Variants in AOAH observed in about 807,000 individuals in gnomAD.
The protein encoded by AOAH is acyloxyacyl hydrolase (neutrophil).
Under a neutral mutation model 92.2 loss-of-function variants are expected in AOAH, and 64 were observed. That is an observed-to-expected ratio of 0.69 (90% confidence interval 0.57 to 0.86). The LOEUF (loss-of-function observed/expected upper bound fraction) is 0.86, where lower values mean the gene tolerates loss of function less well. Ranked by LOEUF, AOAH falls within the 40% of genes least tolerant of loss-of-function variation. The pLI is 0.00. For synonymous variants in AOAH, 263 were observed against 254.5 expected (o/e 1.03, Z -0.32); for missense variants, 656 against 694.6 (o/e 0.94, Z 0.62).
intron 20 of AOAH, among the ~76,000 whole-genome samples, chr7:36,519,666 G>GTCACCT: frequency 6.6e-6 from 1 of 152,198 alleles, no homozygotes; most frequent in South Asian, 2.1e-4. Flanking sequence ...CCGACCTCAG[G>GTCACCT]TGATCCACTC....
At chr7:36,659,437 C>A (rs977038680) in intron 3 of AOAH, among the ~76,000 whole-genome samples, 172 bp from the exon 4 acceptor site, 1 of 152,156 alleles carries the variant, frequency 6.6e-6, no homozygotes, top group African/African-American at 2.4e-5. Flanking sequence ...TGATTTCCTG[C>A]CACTGTTGCT....
intron 1 of AOAH, among the ~76,000 whole-genome samples, chr7:36,691,163 ATAT>A (rs1375571691): frequency 6.6e-6 from 1 of 152,132 alleles, no homozygotes; most frequent in Non-Finnish European, 1.5e-5. Flanking sequence ...TTTTTTGCAT[ATAT>A]TATTATCTCA....
chr7:36,559,275 A>G (rs1203855320), intron 13 of AOAH, among the ~76,000 whole-genome samples: 1 of 152,180 alleles, frequency 6.6e-6, no homozygotes, highest in Non-Finnish European at 1.5e-5. Flanking sequence ...CAGTAACAGG[A>G]TTGCTGGGTC....
chr7:36,540,284 G>A (rs1370006355), intron 16 of AOAH, 35 bp downstream of exon 16: 6 of 1,553,676 alleles, frequency 3.9e-6, no homozygotes, highest in Middle Eastern at 3.4e-4. Context: ...ATACATTGAT[G>A]TTATTAAAGA....
At chr7:36,533,944 C>A (rs952242375) in intron 16 of AOAH, among the ~76,000 whole-genome samples, 1 of 152,130 alleles carries the variant, frequency 6.6e-6, no homozygotes, top group African/African-American at 2.4e-5. Context: ...GGAACTGGGG[C>A]CTCATAGTGA....
At chr7:36,678,887 C>T (rs1303131745) in intron 2 of AOAH, among the ~76,000 whole-genome samples, 2 of 152,136 alleles carry the variant, frequency 1.3e-5, no homozygotes, top group Non-Finnish European at 1.5e-5. Flanking sequence ...GTTACTGATA[C>T]ACCTGAAGAA....
chr7:36,605,111 G>C (rs189484700), intron 11 of AOAH, among the ~76,000 whole-genome samples: 3 of 152,158 alleles, frequency 2.0e-5, no homozygotes, highest in African/African-American at 7.2e-5. Flanking sequence ...CCATTTCCTT[G>C]AGTGGAAATT....
chr7:36,580,026 A>G (rs1440389784), intron 12 of AOAH, among the ~76,000 whole-genome samples: 1 of 152,178 alleles, frequency 6.6e-6, no homozygotes, highest in Non-Finnish European at 1.5e-5. Flanking sequence ...TTGAAAGCCT[A>G]TGGTAGCACC....
chr7:36,593,632 A>G (rs2727806), intron 12 of AOAH, among the ~76,000 whole-genome samples: 93,811 of 152,136 alleles, frequency 0.62, 29,684 homozygotes, highest in African/African-American at 0.76. Context: ...ATTAACTGTC[A>G]TAAATGTTTA....
Position 36,663,882 on chromosome 7 carries a change from T to A in AOAH, c.291-4617A>T, listed in dbSNP as rs184377028. On this transcript the variant is annotated intron_variant, in intron 3 of 20. Transcript: ENST00000617537. ...TGTTTCATAAGAAACTATACTTTTT[T>A]TTCAGTTTTTTTAAATTTTAGCCAT... Among the ~76,000 whole-genome samples, 170 of 152,324 alleles carry A rather than the reference T, an allele frequency of 1.1e-3. 1 individual carries two copies. The highest frequency in any genetic ancestry group is 4.0e-3 in the African/African-American group (166 of 41,564).
intron 3 of AOAH, 140 bp downstream of exon 3, chr7:36,673,803 A>G: frequency 1.7e-6 from 1 of 588,154 alleles, no homozygotes; most frequent in Non-Finnish European, 3.0e-6. Context: ...ATTTTCCACT[A>G]TTACTAAGAG....
At chr7:36,586,652 C>T (rs1789345816) in intron 12 of AOAH, among the ~76,000 whole-genome samples, 1 of 152,142 alleles carries the variant, frequency 6.6e-6, no homozygotes, top group South Asian at 2.1e-4. Flanking sequence ...AGGACCACTT[C>T]ACACTCTTAA....
At chr7:36,608,355 G>A (rs1265240887) in intron 11 of AOAH, among the ~76,000 whole-genome samples, 1 of 152,198 alleles carries the variant, frequency 6.6e-6, no homozygotes, top group East Asian at 1.9e-4. Context: ...TAAGTGACAG[G>A]TTGCAGAATT....
At chr7:36,521,536 T>G (rs1402853967) in intron 20 of AOAH, among the ~76,000 whole-genome samples, 2 of 152,228 alleles carry the variant, frequency 1.3e-5, no homozygotes, top group East Asian at 3.8e-4. Context: ...GGATCCTTGA[T>G]GAGAAACAGC....
chr7:36,599,331 A>G (rs1790374758), intron 11 of AOAH, among the ~76,000 whole-genome samples: 1 of 152,238 alleles, frequency 6.6e-6, no homozygotes, highest in Non-Finnish European at 1.5e-5. Flanking sequence ...AAAGAGAGTA[A>G]TGACACCAAT....
intron 4 of AOAH, among the ~76,000 whole-genome samples, chr7:36,646,355 C>G (rs537597354): frequency 6.6e-6 from 1 of 152,300 alleles, no homozygotes; most frequent in South Asian, 2.1e-4. Context: ...CTCTCCAGTA[C>G]TAGGCTCTGT....
At chr7:36,583,644 C>A (rs1246337944) in intron 12 of AOAH, among the ~76,000 whole-genome samples, 1 of 152,122 alleles carries the variant, frequency 6.6e-6, no homozygotes, top group East Asian at 1.9e-4. Context: ...ATTAGCAGGA[C>A]AGCATGATAA....
At chr7:36,635,713 T>C (rs1414606671) in intron 5 of AOAH, among the ~76,000 whole-genome samples, 1 of 151,434 alleles carries the variant, frequency 6.6e-6, no homozygotes, top group Non-Finnish European at 1.5e-5. Flanking sequence ...GCTACTGGCC[T>C]AGTAGAAAGG....
intron 1 of AOAH, 96 bp downstream of exon 1, chr7:36,723,926 C>G: frequency 7.2e-7 from 1 of 1,391,402 alleles, no homozygotes. Flanking sequence ...TCTTACAATT[C>G]TTGATTTAAT....
Sources: gnomAD v4.1 joint callset for allele counts (sites outside exome capture counted in the v4.1 genomes callset) on GRCh38, gnomAD v4.1.1 for gene constraint, MANE v1.5 for transcripts, NCBI Gene and HGNC (gene_info 2026-07-23, HGNC 2026-07-21) for gene names.